DGKB: variants seen among roughly 807,000 people sequenced by gnomAD.
DGKB encodes the protein diacylglycerol kinase beta.
DGKB carries 67 observed loss-of-function variants against 114.3 expected under a neutral mutation model. That is an observed-to-expected ratio of 0.59 (90% CI 0.48 to 0.72). The LOEUF (loss-of-function observed/expected upper bound fraction) is 0.72. DGKB is among the 30% of genes least tolerant of loss of function. The pLI is 0.00. For missense variants in DGKB, 907 were observed against 975.2 expected, an observed-to-expected ratio of 0.93 and a Z score of 0.93; for synonymous variants, 398 against 323.1, an observed-to-expected ratio of 1.23 and a Z score of -2.49.
intron 20 of DGKB, among the ~76,000 whole-genome samples, chr7:14,532,576 A>G (rs962301308): frequency 6.6e-6 from 1 of 151,568 alleles, no homozygotes; most frequent in Admixed American, 6.6e-5. Flanking sequence ...CAGTGAATAT[A>G]TAAGAAATAC....
chr7:14,312,435 T>TA (rs1562904624), intron 23 of DGKB, among the ~76,000 whole-genome samples: 4 of 152,244 alleles, frequency 2.6e-5, no homozygotes, highest in African/African-American at 9.6e-5. Context: ...AGCACCTAAC[T>TA]ATACTTGTTA....
intron 17 of DGKB, among the ~76,000 whole-genome samples, chr7:14,596,396 T>C (rs1453156184): frequency 6.6e-6 from 1 of 152,160 alleles, no homozygotes; most frequent in Non-Finnish European, 1.5e-5. Context: ...ACATATTCTG[T>C]TACCAGGCAG....
At chr7:14,855,390 T>C (rs1284768319) in intron 1 of DGKB, among the ~76,000 whole-genome samples, 2 of 152,190 alleles carry the variant, frequency 1.3e-5, no homozygotes, top group East Asian at 1.9e-4. Context: ...TTATTATAAA[T>C]ATGTGCTACA....
chr7:14,862,927 C>G (rs1377247707), intron 1 of DGKB, among the ~76,000 whole-genome samples: 2 of 151,556 alleles, frequency 1.3e-5, no homozygotes, highest in Admixed American at 1.3e-4. Flanking sequence ...GATTTTTTTT[C>G]TCTGCTTTCC....
chr7:14,588,655 T>A (rs1801177634), intron 17 of DGKB, among the ~76,000 whole-genome samples: 1 of 152,126 alleles, frequency 6.6e-6, no homozygotes, highest in Non-Finnish European at 1.5e-5. Flanking sequence ...TTTTTATCCA[T>A]CTTTTCATTT....
intron 6 of DGKB, among the ~76,000 whole-genome samples, chr7:14,711,065 G>GT (rs1321797039): frequency 1.3e-5 from 2 of 152,012 alleles, no homozygotes; most frequent in Non-Finnish European, 2.9e-5. Flanking sequence ...TTTTGAACAG[G>GT]TTTTTAAAAT....
intron 13 of DGKB, among the ~76,000 whole-genome samples, chr7:14,645,953 GAGAA>G (rs561585822): frequency 7.4e-4 from 113 of 152,220 alleles, no homozygotes; most frequent in African/African-American, 2.2e-3. Flanking sequence ...TAACTTAAGA[GAGAA>G]AGAGAGAAAC....
intron 20 of DGKB, among the ~76,000 whole-genome samples, chr7:14,572,689 A>G (rs542829812): frequency 2.0e-5 from 3 of 152,290 alleles, no homozygotes; most frequent in Admixed American, 2.0e-4. Context: ...AGGGATAACC[A>G]ATATTTGATA....
chr7:14,751,038 C>G (rs919937405), intron 4 of DGKB, among the ~76,000 whole-genome samples: 1 of 151,838 alleles, frequency 6.6e-6, no homozygotes, highest in African/African-American at 2.4e-5. Context: ...TTTCAAACTC[C>G]TGACCCCCAA....
intron 1 of DGKB, among the ~76,000 whole-genome samples, chr7:14,878,711 T>A (rs1424287994): frequency 7.3e-6 from 1 of 137,164 alleles, no homozygotes. Flanking sequence ...ATTGGGCCAC[T>A]GCCCTCCAGC....
At chr7:14,252,252 G>C (rs1182674039) in intron 23 of DGKB, among the ~76,000 whole-genome samples, 3 of 152,090 alleles carry the variant, frequency 2.0e-5, no homozygotes, top group African/African-American at 7.2e-5. Context: ...TTGAACCCTT[G>C]TGGCTCATTG....
chr7:14,165,647 T>C (rs1784515871), intron 25 of DGKB, among the ~76,000 whole-genome samples: 1 of 152,216 alleles, frequency 6.6e-6, no homozygotes. Flanking sequence ...ACGGATTCCA[T>C]TATATTTTCC....
intron 2 of DGKB, among the ~76,000 whole-genome samples, chr7:14,765,717 A>G (rs1836349373): frequency 6.6e-6 from 1 of 151,996 alleles, no homozygotes; most frequent in Non-Finnish European, 1.5e-5. Context: ...TATTGTGTAG[A>G]AAATACATTA....
chr7:14,861,285 C>T (rs984180895), intron 1 of DGKB, among the ~76,000 whole-genome samples: 7 of 151,504 alleles, frequency 4.6e-5, no homozygotes, highest in South Asian at 2.1e-4. Context: ...AAGAAAATAC[C>T]GTTACTACAT....
intron 1 of DGKB, among the ~76,000 whole-genome samples, chr7:14,860,036 C>CA (rs1292196759): frequency 1.3e-5 from 2 of 152,024 alleles, no homozygotes; most frequent in African/African-American, 2.4e-5. Flanking sequence ...CTGTTGAAAA[C>CA]AAAACGACAA....
chr7:14,940,943 T>G (rs2081381291), intron 1 of DGKB, among the ~76,000 whole-genome samples: 1 of 152,144 alleles, frequency 6.6e-6, no homozygotes, highest in Non-Finnish European at 1.5e-5. Flanking sequence ...TTTATTAGAC[T>G]GTCTCTCTCA....
chr7:14,784,621 C>T (rs536167053), intron 2 of DGKB, among the ~76,000 whole-genome samples: 1 of 152,284 alleles, frequency 6.6e-6, no homozygotes, highest in African/African-American at 2.4e-5. Flanking sequence ...AAGCAATCTG[C>T]CCACCTCAGC....
intron 1 of DGKB, among the ~76,000 whole-genome samples, chr7:14,865,445 T>C (rs1851569644): frequency 6.6e-6 from 1 of 152,206 alleles, no homozygotes; most frequent in Non-Finnish European, 1.5e-5. Context: ...CTCACCTTAT[T>C]GGCCATCCCA....
intron 1 of DGKB, among the ~76,000 whole-genome samples, chr7:14,915,969 T>C (rs1008861987): frequency 6.6e-6 from 1 of 152,150 alleles, no homozygotes; most frequent in South Asian, 2.1e-4. Context: ...ATCTAATAGA[T>C]AACTATTCAA....
Sources: gnomAD v4.1 joint callset for allele counts (sites outside exome capture counted in the v4.1 genomes callset) on GRCh38, gnomAD v4.1.1 for gene constraint, MANE v1.5 for transcripts, NCBI Gene and HGNC (gene_info 2026-07-23, HGNC 2026-07-21) for gene names.